Variants in CDC42BPA observed in about 807,000 individuals in gnomAD.
CDC42BPA encodes CDC42 binding protein kinase alpha.
In CDC42BPA, 80 loss-of-function variants were observed where a neutral mutation model predicts 223.5. That is an observed-to-expected ratio of 0.36 (90% CI 0.30 to 0.43). The LOEUF (loss-of-function observed/expected upper bound fraction) is 0.43, where lower values mean the gene tolerates loss of function less well. Ranked by LOEUF, CDC42BPA falls within the 20% of genes least tolerant of loss-of-function variation. The pLI is 1.00. For missense variants in CDC42BPA, 1,743 were observed against 2,099.9 expected, an observed-to-expected ratio of 0.83 and a Z score of 3.32; for synonymous variants, 694 against 718.6, an observed-to-expected ratio of 0.97 and a Z score of 0.55.
chr1:227,119,004 T>C (rs1688205971), intron 12 of CDC42BPA, among the ~76,000 whole-genome samples: 1 of 152,128 alleles, frequency 6.6e-6, no homozygotes, highest in Admixed American at 6.5e-5. Context: ...CTCCATCTCC[T>C]TCCTGGCACC....
chr1:227,107,736 G>A (rs1256183010), intron 14 of CDC42BPA, among the ~76,000 whole-genome samples: 2 of 152,188 alleles, frequency 1.3e-5, no homozygotes, highest in African/African-American at 4.8e-5. Context: ...GGGTCTGTCA[G>A]AAGGTTTTTG....
Position 227,199,400 on chromosome 1 carries a change from A to AG in CDC42BPA, c.450+156dup, listed in dbSNP as rs962805147. Among the ~76,000 whole-genome samples the AG allele has an allele frequency of 1.2e-4, 19 of 152,278 alleles. No individual in the cohort carries two copies. The East Asian group carries it at 1.9e-3, about 15-fold the overall frequency. On this transcript the variant is annotated intron_variant, in intron 4 of 36. Transcript: ENST00000366766. ...ATGAAAAGGTATCAAATTTCCAGGG[A>AG]GAAAAAAAAACACCACATATCAAGT...
rs533199586 is a variant in CDC42BPA at position 227,270,152 on chromosome 1, A to T, written c.179-15997T>A. On this transcript the variant is annotated intron_variant, in intron 1 of 36. Transcript: ENST00000366766. ...AGTAGACCCACATGAATTAATAGAA[A>T]CATCTCTAATGCATACTGTTAAATG... Among the ~76,000 whole-genome samples the T allele has an allele frequency of 2.6e-4, 39 of 152,322 alleles. 1 individual carries two copies. The South Asian group carries it at 7.9e-3, about 31-fold the overall frequency.
At chr1:227,089,438 G>A (rs1353850734) in intron 16 of CDC42BPA, among the ~76,000 whole-genome samples, 1 of 152,144 alleles carries the variant, frequency 6.6e-6, no homozygotes, top group Non-Finnish European at 1.5e-5. Context: ...TGCAAAAATT[G>A]AACAAAAGTT....
At position 227,030,423 on chromosome 1, in the gene CDC42BPA, G is replaced by A. The variant is rs748233648; in HGVS notation, c.3823C>T (p.His1275Tyr). Reference sequence around the variant, plus strand: ...TTTCTCTTACCATCTTTGGTGACATGTACAACAAATAACCCTTCTTCGTTT... The same window carrying A: ...TTTCTCTTACCATCTTTGGTGACATATACAACAAATAACCCTTCTTCGTTT... ...LGNEEGLFVV[H>Y]VTKDEIIRVG... Residue 1275 changes from histidine (H) to tyrosine (Y), a missense_variant, in exon 29 of 37, where the codon CAT (histidine) becomes TAT (tyrosine). His to Tyr is a moderately conservative substitution (Grantham distance 83, BLOSUM62 2). Around this residue, in one of 6 missense-constraint regions of CDC42BPA, gnomAD observed 678 missense variants for 777.5 expected, o/e 0.87. Transcript: ENST00000366766. The A allele has an allele frequency of 2.2e-5, 35 of 1,593,916 alleles. No individual in the cohort carries two copies. The highest frequency in any genetic ancestry group is 2.9e-5 in the Non-Finnish European group (34 of 1,169,416).
chr1:227,085,012 G>A (rs1338773171), intron 16 of CDC42BPA, among the ~76,000 whole-genome samples: 2 of 152,140 alleles, frequency 1.3e-5, no homozygotes, highest in Admixed American at 6.5e-5. Context: ...CCTGAAACGA[G>A]GCAGAAGCTT....
chr1:227,283,748 T>C (rs11811972), intron 1 of CDC42BPA, among the ~76,000 whole-genome samples: 46,786 of 152,060 alleles, frequency 0.31, 7,383 homozygotes, highest in East Asian at 0.37. Context: ...TAAATAAGCA[T>C]ATGTACCCTT....
chr1:227,133,484 C>T (rs1020522693), intron 10 of CDC42BPA, among the ~76,000 whole-genome samples: 10 of 152,226 alleles, frequency 6.6e-5, no homozygotes, highest in African/African-American at 1.9e-4. Flanking sequence ...TCATTGAGAA[C>T]GGGCCATGAT....
chr1:227,252,864 A>G (rs1198579910), intron 2 of CDC42BPA, among the ~76,000 whole-genome samples: 2 of 152,246 alleles, frequency 1.3e-5, no homozygotes, highest in African/African-American at 4.8e-5. Context: ...ATAACAAGGT[A>G]TAAGATCAAT....
intron 23 of CDC42BPA, among the ~76,000 whole-genome samples, chr1:227,043,949 G>A (rs569144695): frequency 2.8e-4 from 43 of 152,242 alleles, no homozygotes; most frequent in Non-Finnish European, 5.1e-4. Flanking sequence ...TCTCCAGAAT[G>A]GCTGTACCCG....
chr1:227,056,986 A>C (rs888560309), intron 21 of CDC42BPA, among the ~76,000 whole-genome samples: 2 of 152,202 alleles, frequency 1.3e-5, no homozygotes, highest in African/African-American at 4.8e-5. Flanking sequence ...GTTTCCCTTT[A>C]AGAAAATTTA....
In CDC42BPA at chr1:227,246,568, T is replaced by TA. The variant is rs552349084; in HGVS notation, c.270+7495dup. ...TTTGGAAGAAAGTAAAGTAAAAGAA[T>TA]AAGAGTTTTTGCCTGGTAATCCAGA... On this transcript the variant is annotated intron_variant, in intron 2 of 36. Transcript: ENST00000366766. Among the ~76,000 whole-genome samples, 9 of 152,318 alleles carry TA rather than the reference T, an allele frequency of 5.9e-5. No individual in the cohort carries two copies. The East Asian group carries it at 1.7e-3, about 29-fold the overall frequency.
At position 227,101,149 on chromosome 1, in the gene CDC42BPA, T is replaced by C. The variant is rs142697103; in HGVS notation, c.2092A>G (p.Ile698Val). 1.5e-5 allele frequency: 23 copies of C among 1,578,262 alleles called. No homozygotes were observed. The highest frequency in any genetic ancestry group is 1.8e-5 in the Non-Finnish European group (21 of 1,148,200). The change falls in exon 15 of 37, where the codon ATC becomes GTC. Residue 698 changes from isoleucine (I) to valine (V), a missense_variant. Ile to Val is a conservative substitution (Grantham distance 29). Transcript: ENST00000366766. The part of the protein sequence containing the change: ...KLKTDLEKKS[I>V]FYEEELSKRE... ...TTAGATAATTCTTCTTCATAAAAGATACTTTTCTTTTCCAAATCAGTCTTT... is the reference window on the plus strand; with the variant it reads ...TTAGATAATTCTTCTTCATAAAAGACACTTTTCTTTTCCAAATCAGTCTTT...
At chr1:227,313,421 G>A (rs934760897) in intron 1 of CDC42BPA, among the ~76,000 whole-genome samples, 1 of 151,926 alleles carries the variant, frequency 6.6e-6, no homozygotes, top group Non-Finnish European at 1.5e-5. Flanking sequence ...TATAATAATA[G>A]CCATTACATC....
At chr1:227,040,338 G>T (rs1408943014) in intron 23 of CDC42BPA, 102 bp from the exon 24 acceptor site, 3 of 662,482 alleles carry the variant, frequency 4.5e-6, no homozygotes, top group Non-Finnish European at 8.0e-6. Context: ...TTCTAAATAG[G>T]AATAGAATGA....
At chr1:227,129,577 G>C (rs892914854) in intron 10 of CDC42BPA, among the ~76,000 whole-genome samples, 3 of 143,898 alleles carry the variant, frequency 2.1e-5, no homozygotes, top group Admixed American at 7.2e-5. Flanking sequence ...TCAGATGGGA[G>C]AATTGCTTGA....
intron 24 of CDC42BPA, among the ~76,000 whole-genome samples, chr1:227,035,846 A>G (rs1366965161): frequency 6.6e-6 from 1 of 152,218 alleles, no homozygotes; most frequent in Non-Finnish European, 1.5e-5. Context: ...GACATTAGTG[A>G]TCAAAAAAAG....
At chr1:227,088,957 G>C (rs912711129) in intron 16 of CDC42BPA, among the ~76,000 whole-genome samples, 1 of 151,920 alleles carries the variant, frequency 6.6e-6, no homozygotes, top group African/African-American at 2.4e-5. Flanking sequence ...AACTCCTGAC[G>C]TCAAGCGATC....
chr1:227,060,435 T>C (rs939541895), intron 21 of CDC42BPA, among the ~76,000 whole-genome samples: 10 of 152,186 alleles, frequency 6.6e-5, no homozygotes, highest in South Asian at 2.1e-4. Flanking sequence ...TTGCAAGGGA[T>C]TGAAAGATAA....
Sources: allele counts gnomAD v4.1 joint callset (sites outside exome capture counted in the v4.1 genomes callset), GRCh38; gene constraint gnomAD v4.1.1; regional missense constraint gnomAD v4.1.1; transcripts MANE v1.5; gene names NCBI Gene and HGNC (gene_info 2026-07-23, HGNC 2026-07-21).